Variants in PALD1 observed in about 807,000 individuals in gnomAD.
The protein encoded by PALD1 is phosphatase domain containing paladin 1.
A neutral mutation model predicts 96.0 loss-of-function variants in PALD1; 57 were observed. The ratio of observed to expected loss-of-function variants is 0.59; its 90% CI spans 0.48 to 0.74. PALD1 has a LOEUF of 0.74. Ranked by LOEUF, PALD1 falls within the 30% of genes least tolerant of loss-of-function variation. PALD1 has a pLI of 0.00. For missense variants in PALD1, 1,063 were observed against 1,143.7 expected (o/e 0.93, Z 1.02); for synonymous variants, 464 against 473.6 (o/e 0.98, Z 0.26).
chr10:70,497,255 T>C (rs372465145), intron 1 of PALD1, among the ~76,000 whole-genome samples: 231 of 152,350 alleles, frequency 1.5e-3, no homozygotes, highest in African/African-American at 5.2e-3. Flanking sequence ...ATGGTGCACA[T>C]ACGTGGATGA....
the PALD1 span, among the ~76,000 whole-genome samples, chr10:70,462,951 C>G: frequency 6.6e-6 from 1 of 152,228 alleles, no homozygotes; most frequent in Non-Finnish European, 1.5e-5. Flanking sequence ...TCTGGGCATT[C>G]CCCCAGGCCT....
Position 70,540,449 on chromosome 10 carries a change from CTG to C in PALD1, c.1909-650_1909-649del, listed in dbSNP as rs1233694004. Among the ~76,000 whole-genome samples the C allele has an allele frequency of 6.6e-6, 1 of 151,654 alleles. No individual in the cohort carries two copies. The highest frequency in any genetic ancestry group is 1.5e-5 in the Non-Finnish European group (1 of 67,888). On this transcript the variant is annotated intron_variant, in intron 15 of 19. Transcript: ENST00000263563. This position sits in a 1 kb window ranked among gnomAD's most constrained non-coding sequence, Gnocchi z 4.2. ...GTGTGTGGCATCTGTAGGTCTGTGA[CTG>C]TGGGTGTCTGTATAGTGTGTGTGTT...
At chr10:70,475,927 CACAT>C (rs1200407922), upstream of PALD1, among the ~76,000 whole-genome samples, 4 of 152,222 alleles carry the variant, frequency 2.6e-5, no homozygotes, top group Non-Finnish European at 5.9e-5. Flanking sequence ...CACGTACACA[CACAT>C]ACACACATGC....
rs369032784 is a variant in PALD1 at position 70,513,477 on chromosome 10, T to C, written c.-29-12446T>C. On this transcript the variant is annotated intron_variant, in intron 1 of 19. Transcript: ENST00000263563. ...GTGAGCCGAGATTGCACCACTGCCC[T>C]CCAGCCTGGGCGACACAGTGAGAAT... is the stretch of plus-strand genomic sequence containing the variant. Among the ~76,000 whole-genome samples, 25 of 152,194 alleles carry C rather than the reference T, an allele frequency of 1.6e-4. No homozygotes were observed. In the South Asian group the frequency reaches 5.2e-3, roughly 32 times the overall value.
intron 18 of PALD1, among the ~76,000 whole-genome samples, chr10:70,561,013 C>T: frequency 6.6e-6 from 1 of 152,188 alleles, no homozygotes; most frequent in East Asian, 1.9e-4. Context: ...ACCTGTGATC[C>T]AGCAAGATGT....
intron 10 of PALD1, among the ~76,000 whole-genome samples, chr10:70,536,240 G>C (rs1167436327): frequency 2.0e-5 from 3 of 152,146 alleles, no homozygotes; most frequent in Non-Finnish European, 2.9e-5. Flanking sequence ...GTTCCAGGCT[G>C]CAGTGGGCTA....
chr10:70,517,075 TC>T (rs1477983791), intron 1 of PALD1, among the ~76,000 whole-genome samples: 2 of 152,132 alleles, frequency 1.3e-5, no homozygotes, highest in East Asian at 3.8e-4. Flanking sequence ...CAGGCCCTTT[TC>T]TGAGGTCTTT....
At chr10:70,460,832 G>A in the PALD1 span, among the ~76,000 whole-genome samples, 2 of 152,164 alleles carry the variant, frequency 1.3e-5, no homozygotes, top group African/African-American at 2.4e-5. Context: ...GAGGCGGGCG[G>A]ATCACCTGAG....
chr10:70,463,677 A>C, the PALD1 span, among the ~76,000 whole-genome samples: 22 of 152,128 alleles, frequency 1.4e-4, no homozygotes, highest in African/African-American at 4.8e-4. Flanking sequence ...GGCAAAAAAA[A>C]CCAGGAAAAC....
At position 70,564,441 on chromosome 10, in the gene PALD1, C is replaced by G. The variant is rs1466384354; in HGVS notation, c.2340C>G (p.Cys780Trp). 1 of 1,614,154 alleles carries G rather than the reference C, an allele frequency of 6.2e-7. No homozygotes were observed. Among genetic ancestry groups the G allele is most frequent in the Non-Finnish European group, 8.5e-7 (1 of 1,179,978 alleles). ...RSLQYLERYV[C>W]LILFNAYLHL... is the part of the protein sequence containing the mutation. The stretch of plus-strand genomic sequence containing the variant: ...TGCAGTACTTGGAGCGCTATGTCTG[C>G]CTGATTCTCTTCAACGCGTACCTCC... The change falls in exon 19 of 20, where the codon TGC (cysteine) becomes TGG (tryptophan). Residue 780 changes from cysteine (C) to tryptophan (W), a missense_variant. Cys to Trp is a radical substitution (Grantham distance 215). Coordinates refer to ENST00000263563, the MANE Select transcript of PALD1 (RefSeq NM_014431.3).
chr10:70,536,603 C>T (rs1404952931), intron 10 of PALD1, among the ~76,000 whole-genome samples: 1 of 152,210 alleles, frequency 6.6e-6, no homozygotes, highest in African/African-American at 2.4e-5. Context: ...TACTGGAACA[C>T]AGTCTTGCTG....
intron 18 of PALD1, among the ~76,000 whole-genome samples, chr10:70,560,652 C>T (rs989575993): frequency 6.6e-6 from 1 of 151,782 alleles, no homozygotes; most frequent in African/African-American, 2.4e-5. Context: ...CCTCAGTGGG[C>T]CTCTCCCTGG....
Position 70,539,562 on chromosome 10 carries a change from C to T in PALD1, c.1726-18C>T, listed in dbSNP as rs1319015376. The T allele has an allele frequency of 1.3e-6, 2 of 1,584,392 alleles. No individual in the cohort carries two copies. The highest frequency in any genetic ancestry group is 1.7e-6 in the Non-Finnish European group (2 of 1,163,572). The stretch of plus-strand genomic sequence containing the variant: ...GCCTGCCCCAGTGGCCTGTGTCCTC[C>T]CTCCTGCCCTTGCCCAGACCCTGGA... On this transcript the variant is annotated intron_variant, in intron 14 of 19. Coordinates refer to ENST00000263563, the MANE Select transcript of PALD1 (RefSeq NM_014431.3). The surrounding 1 kb of genome is among the most constrained non-coding windows in gnomAD (Gnocchi z 4.5).
Position 70,567,759 on chromosome 10 carries a change from A to G in PALD1, c.*1026A>G, listed in dbSNP as rs896203567. ...GAGCCTGCCTTCCGGTGGGAGCAGA[A>G]AAGGCCAGACCCTGCTGAGTTAGAG... On this transcript the variant is annotated 3_prime_UTR_variant, in exon 20 of 20. Transcript: ENST00000263563. 7 of 152,744 alleles carry G rather than the reference A, an allele frequency of 4.6e-5. No homozygotes were observed. 9.5% of individuals were successfully genotyped at this position (152,744 alleles called of 1,614,324 possible).
chr10:70,491,261 A>G (rs1053040374), intron 1 of PALD1, among the ~76,000 whole-genome samples: 1 of 152,196 alleles, frequency 6.6e-6, no homozygotes, highest in Non-Finnish European at 1.5e-5. Context: ...CACTTCTTGT[A>G]GGAATCAGGA....
chr10:70,562,266 C>G (rs1206011981), intron 18 of PALD1, among the ~76,000 whole-genome samples: 1 of 152,218 alleles, frequency 6.6e-6, no homozygotes, highest in African/African-American at 2.4e-5. Flanking sequence ...CACCCCTGTC[C>G]CCATCTCCAG....
chr10:70,464,891 G>A, the PALD1 span, among the ~76,000 whole-genome samples: 1 of 151,924 alleles, frequency 6.6e-6, no homozygotes, highest in African/African-American at 2.4e-5. Context: ...GCCTTCCAAA[G>A]TGCTGGGATT....
intron 5 of PALD1, among the ~76,000 whole-genome samples, chr10:70,531,762 C>G (rs1471364064): frequency 6.6e-6 from 1 of 151,792 alleles, no homozygotes; most frequent in African/African-American, 2.4e-5. Flanking sequence ...TTTGGGAGGC[C>G]GAGGTGGGCA....
chr10:70,547,511 G>A, intron 18 of PALD1, 65 bp downstream of exon 18: 1 of 1,203,502 alleles, frequency 8.3e-7, no homozygotes, highest in Non-Finnish European at 1.1e-6. Context: ...CACAGCCAGG[G>A]AGTGGCTGAT....
Sources: allele counts gnomAD v4.1 joint callset (sites outside exome capture counted in the v4.1 genomes callset), GRCh38; gene constraint gnomAD v4.1.1; non-coding constraint Gnocchi (gnomAD v3.1); transcripts MANE v1.5; gene names NCBI Gene and HGNC (gene_info 2026-07-23, HGNC 2026-07-21).